ZBTB1: variants seen among roughly 807,000 people sequenced by gnomAD.
ZBTB1 encodes zinc finger and BTB domain containing 1.
A neutral mutation model predicts 51.6 loss-of-function variants in ZBTB1; 13 were observed. That is an observed-to-expected ratio of 0.25 (90% CI 0.16 to 0.40). The LOEUF is 0.40. ZBTB1 is among the 10% of genes least tolerant of loss of function. ZBTB1 has a pLI of 1.00. For missense variants in ZBTB1, 567 were observed against 856.5 expected (o/e 0.66, Z 4.22); for synonymous variants, 240 against 282.2 (o/e 0.85, Z 1.50).
rs1414163039 is a variant in ZBTB1, at chr14:64,524,894, A to G, written c.*1248A>G. 1 of 985,292 alleles carries G rather than the reference A, an allele frequency of 1.0e-6. No homozygotes were observed. Among genetic ancestry groups the G allele is most frequent in the Non-Finnish European group, 1.2e-6 (1 of 829,910 alleles). The allele number at this position is 985,292 out of a possible 1,614,324, so 61.0% of individuals were successfully genotyped here. Reference sequence around the variant, plus strand: ...GCTGACACAGGGTCTACATAATTACATGTGAATTAAAACATTGGCAAAACT... The same window carrying G: ...GCTGACACAGGGTCTACATAATTACGTGTGAATTAAAACATTGGCAAAACT... On this transcript the variant is annotated 3_prime_UTR_variant, in exon 2 of 2. Coordinates refer to ENST00000683701, the MANE Select transcript of ZBTB1 (RefSeq NM_001123329.2).
intron 1 of ZBTB1, among the ~76,000 whole-genome samples, chr14:64,509,386 A>T (rs1008759914): frequency 7.2e-5 from 11 of 152,122 alleles, no homozygotes; most frequent in African/African-American, 2.7e-4. Context: ...AAAGAAAAGA[A>T]AAAAGAAGTC....
rs755329440 is a variant in ZBTB1, at chr14:64,504,963, TGTG to T, written c.-19+19_-19+21del. The T allele has an allele frequency of 2.1e-3, 834 of 394,748 alleles. No homozygotes were observed. The highest frequency in any genetic ancestry group is 8.3e-3 in the Middle Eastern group (13 of 1,572). The allele number at this position is 394,748 out of a possible 1,614,324, so 24.5% of individuals were successfully genotyped here. A position where few individuals can be genotyped will look rare whatever the true frequency, so the allele number is the denominator to read the frequency against. Reference sequence around the variant, plus strand: ...TTGCGGCCGGTAAGTATTTGCCAGTTGTGGGGCTATTTGCGCAACTTTGGCCCA... The same window carrying T: ...TTGCGGCCGGTAAGTATTTGCCAGTTGGGCTATTTGCGCAACTTTGGCCCA... On this transcript the variant is annotated intron_variant, in intron 1 of 1. Coordinates refer to ENST00000683701, the MANE Select transcript of ZBTB1 (RefSeq NM_001123329.2).
intron 1 of ZBTB1, among the ~76,000 whole-genome samples, chr14:64,518,862 A>T (rs1340201728): frequency 6.9e-6 from 1 of 145,094 alleles, no homozygotes; most frequent in Non-Finnish European, 1.5e-5. Flanking sequence ...AATGCCCACT[A>T]ATATTGTCTA....
At position 64,524,086 on chromosome 14, in the gene ZBTB1, C is replaced by T. The variant is rs1314893888; in HGVS notation, c.*440C>T. Reference sequence around the variant, plus strand: ...CTTAAGTAATTATTTGAAACTATCCCGTTTGCTTTTAGTGAGTTAACTACT... The same window carrying T: ...CTTAAGTAATTATTTGAAACTATCCTGTTTGCTTTTAGTGAGTTAACTACT... On this transcript the variant is annotated 3_prime_UTR_variant, in exon 2 of 2. Coordinates refer to ENST00000683701, the MANE Select transcript of ZBTB1 (RefSeq NM_001123329.2). 5 of 983,702 alleles carry T rather than the reference C, an allele frequency of 5.1e-6. No homozygotes were observed. The African/African-American group carries it at 5.3e-5, about 10-fold the overall frequency. 60.9% of individuals were successfully genotyped at this position (983,702 alleles called of 1,614,324 possible).
chr14:64,512,352 T>A (rs768120617), intron 1 of ZBTB1, among the ~76,000 whole-genome samples: 6 of 152,140 alleles, frequency 3.9e-5, no homozygotes, highest in Non-Finnish European at 5.9e-5. Context: ...GTGGGAAGAG[T>A]GTGCTAGGCA....
chr14:64,521,866 G>A lies in ZBTB1; in HGVS notation c.362G>A (p.Cys121Tyr). The change falls in exon 2 of 2, where the codon TGT (cysteine) becomes TAT (tyrosine). Residue 121 changes from cysteine to tyrosine, a missense_variant. Cys to Tyr is a radical substitution (Grantham distance 194, BLOSUM62 -2). Around this residue, in one of 5 missense-constraint regions of ZBTB1, gnomAD observed 74 missense variants for 74.9 expected, o/e 0.99. Transcript: ENST00000683701. The part of the protein sequence containing the change: ...DCLEDIQDAD[C>Y]SSSKCSSSAS... The stretch of plus-strand genomic sequence containing the variant: ...TTAGAAGACATCCAGGATGCAGATT[G>A]TTCTAGTTCAAAATGTTCCTCTTCT... 1 of 1,613,150 alleles carries A rather than the reference G, an allele frequency of 6.2e-7. No individual in the cohort carries two copies. Among genetic ancestry groups the A allele is most frequent in the South Asian group, 1.1e-5 (1 of 91,082 alleles).
chr14:64,512,857 T>G (rs2079739673), intron 1 of ZBTB1, among the ~76,000 whole-genome samples: 1 of 152,152 alleles, frequency 6.6e-6, no homozygotes, highest in Non-Finnish European at 1.5e-5. Flanking sequence ...CAAGATGGTA[T>G]TCTAGGAAAG....
At chr14:64,533,087 G>A (rs750108176) in exon 3 of ZBTB1, 1 of 151,996 alleles carries the variant, frequency 6.6e-6, no homozygotes, top group South Asian at 2.1e-4. Flanking sequence ...AATAGTATGT[G>A]CAGAAGTTAC....
intron 1 of ZBTB1, among the ~76,000 whole-genome samples, chr14:64,509,957 A>G (rs556085490): frequency 8.5e-4 from 129 of 151,010 alleles, no homozygotes; most frequent in Non-Finnish European, 1.6e-3. Context: ...AGCCTGGGTG[A>G]CAGAGCGAGA....
intron 1 of ZBTB1, among the ~76,000 whole-genome samples, chr14:64,509,262 C>G (rs955888983): frequency 1.3e-5 from 2 of 152,110 alleles, no homozygotes; most frequent in Non-Finnish European, 2.9e-5. Flanking sequence ...CCCAGCTATT[C>G]GAGAGACTGA....
At position 64,516,987 on chromosome 14, in the gene ZBTB1, G is replaced by T. The variant is rs184638058; in HGVS notation, c.-18-4500G>T. Among the ~76,000 whole-genome samples the T allele has an allele frequency of 1.4e-4, 21 of 152,276 alleles. 1 individual carries two copies. Among genetic ancestry groups the T allele is most frequent in the Non-Finnish European group, 2.8e-4 (19 of 68,016 alleles). ...ATAAGAAAGGGTCTTTGGAACTTCT[G>T]TGCTCTTTATATCATTATTTCAAGC... On this transcript the variant is annotated intron_variant, in intron 1 of 1. Transcript: ENST00000683701.
In ZBTB1 at chr14:64,521,911, G is replaced by A. The variant is rs1326751227; in HGVS notation, c.407G>A (p.Ser136Asn). The A allele has an allele frequency of 6.2e-7, 1 of 1,614,030 alleles. No homozygotes were observed. The highest frequency in any genetic ancestry group is 2.2e-5 in the East Asian group (1 of 44,904). The change falls in exon 2 of 2, where the codon AGC becomes AAC. Residue 136 changes from serine (S) to asparagine (N), a missense_variant. Around this residue, in one of 5 missense-constraint regions of ZBTB1, gnomAD observed 74 missense variants for 74.9 expected, o/e 0.99. Transcript: ENST00000683701. ...TCTTCTGCTTCCAGCAAACAGAACAGCAAAATGATATTTGGGGTAAGAATG... is the reference window on the plus strand; with the variant it reads ...TCTTCTGCTTCCAGCAAACAGAACAACAAAATGATATTTGGGGTAAGAATG... Reference protein sequence around the residue: ...CSSSASSKQNSKMIFGVRMYE... With the variant: ...CSSSASSKQNNKMIFGVRMYE...
At chr14:64,530,237 T>C (rs1453004) in intron 2 of ZBTB1, among the ~76,000 whole-genome samples, 26,373 of 152,242 alleles carry the variant, frequency 0.17, 2,613 homozygotes, top group Non-Finnish European at 0.22. Context: ...GTGAAGATTC[T>C]GTGGACAATG....
chr14:64,526,755 T>A (rs1566637982), downstream of ZBTB1, among the ~76,000 whole-genome samples: 2 of 152,114 alleles, frequency 1.3e-5, no homozygotes, highest in South Asian at 4.1e-4. Context: ...GTAAAAATAT[T>A]CAGAGGCCAG....
In ZBTB1 at chr14:64,523,933, T is replaced by A; in HGVS notation, c.*287T>A. 9.3e-7 allele frequency: 1 copy of A among 1,073,906 alleles called. No individual in the cohort carries two copies. Among genetic ancestry groups the A allele is most frequent in the Non-Finnish European group, 1.1e-6 (1 of 878,480 alleles). The allele number at this position is 1,073,906 out of a possible 1,614,324, so 66.5% of individuals were successfully genotyped here. ...TGGTTGTTACCCATTCAATGACTAT[T>A]AAACTTTAGTTTTTCATCAATAAGG... On this transcript the variant is annotated 3_prime_UTR_variant, in exon 2 of 2. Transcript: ENST00000683701. The surrounding 1 kb of genome is among the most constrained non-coding windows in gnomAD (Gnocchi z 4.5).
chr14:64,505,887 T>TC (rs775271439), intron 1 of ZBTB1, among the ~76,000 whole-genome samples: 7 of 152,170 alleles, frequency 4.6e-5, no homozygotes, highest in Non-Finnish European at 1.0e-4. Context: ...GAAATAGTGT[T>TC]CCCTTTGACA....
rs2079873860 is a variant in ZBTB1 at position 64,522,779 on chromosome 14, G to A, written c.1275G>A (p.Leu425=). ...ATGCTGAAAATGCATCTTGTGAGCT[G>A]TGTGGACTTACAATAACCGAGGAGG... The part of the protein sequence containing the change: ...QEDAENASCE[L]CGLTITEEDL... Residue 425 remains leucine, a synonymous_variant, in exon 2 of 2, where the codon CTG becomes CTA. Coordinates refer to ENST00000683701, the MANE Select transcript of ZBTB1 (RefSeq NM_001123329.2). 2 of 1,614,108 alleles carry A rather than the reference G, an allele frequency of 1.2e-6. No individual in the cohort carries two copies. Among genetic ancestry groups the A allele is most frequent in the African/African-American group, 2.7e-5 (2 of 74,934 alleles).
In ZBTB1 at chr14:64,523,784, G is replaced by T; in HGVS notation, c.*138G>T. On this transcript the variant is annotated 3_prime_UTR_variant, in exon 2 of 2. Transcript: ENST00000683701. The surrounding 1 kb of genome is among the most constrained non-coding windows in gnomAD (Gnocchi z 4.5). ...AGGCCCTTTTAACTTTAATATTTTT[G>T]TTTAGGATTTTAAGTATCTACATTT... 1 of 1,357,074 alleles carries T rather than the reference G, an allele frequency of 7.4e-7. No homozygotes were observed. The highest frequency in any genetic ancestry group is 9.5e-7 in the Non-Finnish European group (1 of 1,049,540). The allele number at this position is 1,357,074 out of a possible 1,614,324, so 84.1% of individuals were successfully genotyped here.
At chr14:64,527,598 G>A (rs1284669377), downstream of ZBTB1, among the ~76,000 whole-genome samples, 2 of 150,576 alleles carry the variant, frequency 1.3e-5, no homozygotes, top group African/African-American at 2.4e-5. Context: ...GTGACAGAGC[G>A]AGACTCCATC....
Sources: gnomAD v4.1 joint callset for allele counts (sites outside exome capture counted in the v4.1 genomes callset) on GRCh38, gnomAD v4.1.1 for gene constraint, gnomAD v4.1.1 regional missense constraint, Gnocchi (gnomAD v3.1) non-coding constraint, MANE v1.5 for transcripts, NCBI Gene and HGNC (gene_info 2026-07-23, HGNC 2026-07-21) for gene names.